LRGUK: variants seen among roughly 807,000 people sequenced by gnomAD.
LRGUK encodes leucine rich repeats and guanylate kinase domain containing, also known as leucine-rich repeat and guanylate kinase domain-containing protein.
LRGUK carries 65 observed loss-of-function variants against 76.0 expected under a neutral mutation model. The observed-to-expected ratio is 0.85, with a 90% CI of 0.70 to 1.05. The LOEUF (loss-of-function observed/expected upper bound fraction) is 1.05, where lower values mean the gene tolerates loss of function less well. Among genes scored for constraint, LRGUK ranks in the 50% least tolerant of loss-of-function variants. LRGUK has a pLI of 0.00. For missense variants in LRGUK, 758 were observed against 732.8 expected, an observed-to-expected ratio of 1.03 and a Z score of -0.40; for synonymous variants, 268 against 265.6, an observed-to-expected ratio of 1.01 and a Z score of -0.09.
At chr7:134,197,491 T>C (rs993104554) in intron 13 of LRGUK, among the ~76,000 whole-genome samples, 36 of 152,272 alleles carry the variant, frequency 2.4e-4, no homozygotes, top group African/African-American at 7.9e-4. Context: ...ATGGCCTCTG[T>C]TTACATAAAA....
intron 2 of LRGUK, among the ~76,000 whole-genome samples, chr7:134,139,192 G>A: frequency 6.6e-6 from 1 of 151,972 alleles, no homozygotes; most frequent in Non-Finnish European, 1.5e-5. Flanking sequence ...GGCCTTTCAT[G>A]TTGTATTTGT....
chr7:134,230,361 G>A (rs893087664), intron 16 of LRGUK, among the ~76,000 whole-genome samples: 2 of 152,038 alleles, frequency 1.3e-5, no homozygotes, highest in African/African-American at 2.4e-5. Flanking sequence ...TCAATATGTG[G>A]GGCAATGGAA....
chr7:134,274,849 A>G, the LRGUK span, among the ~76,000 whole-genome samples: 1 of 152,108 alleles, frequency 6.6e-6, no homozygotes, highest in Non-Finnish European at 1.5e-5. Context: ...TTTTTAATGT[A>G]ATTTAAGTTT....
In LRGUK at chr7:134,178,934, A is replaced by AAAAAAAAAAAAAAAAAAACC. The variant is rs376955591; in HGVS notation, c.1214+339_1214+340insAAAACCAAAAAAAAAAAAAA. 5.8e-3 allele frequency among the ~76,000 whole-genome samples: 454 copies of AAAAAAAAAAAAAAAAAAACC among 78,138 alleles called. 13 individuals are homozygous for AAAAAAAAAAAAAAAAAAACC. The highest frequency in any genetic ancestry group is 0.021 in the African/African-American group (393 of 18,720). The allele number at this position is 78,138 out of a possible 152,430, so 51.3% of individuals were successfully genotyped here. A position where few individuals can be genotyped will look rare whatever the true frequency, so the allele number is the denominator to read the frequency against. On this transcript the variant is annotated intron_variant, in intron 10 of 15. Transcript: ENST00000645682. The stretch of plus-strand genomic sequence containing the variant: ...ACACAACAGTGAAATCTCAAAAAAA[A>AAAAAAAAAAAAAAAAAAACC]AAAAAAAAAAAAAACCAGGACCAAT...
chr7:134,127,950 A>G (rs1378762913), intron 1 of LRGUK, among the ~76,000 whole-genome samples: 3 of 151,534 alleles, frequency 2.0e-5, no homozygotes, highest in Non-Finnish European at 1.5e-5. Flanking sequence ...GTGTCTAGAT[A>G]ATTGTCTGGG....
chr7:134,133,157 C>T (rs143580374), intron 1 of LRGUK, among the ~76,000 whole-genome samples: 2 of 152,174 alleles, frequency 1.3e-5, no homozygotes, highest in South Asian at 2.1e-4. Flanking sequence ...TCACCACATG[C>T]GAGGCACTGT....
exon 18 of LRGUK, chr7:134,249,026 T>A: frequency 1.9e-6 from 3 of 1,602,258 alleles, no homozygotes; most frequent in Non-Finnish European, 2.6e-6. Flanking sequence ...AAAGTTTTGA[T>A]CTTTGTGAAG....
intron 7 of LRGUK, among the ~76,000 whole-genome samples, chr7:134,164,733 C>G (rs543571653): frequency 1.3e-5 from 2 of 152,150 alleles, no homozygotes; most frequent in East Asian, 3.9e-4. Context: ...TGGTGCTTGT[C>G]GGTTTTGTGT....
At chr7:134,155,508 G>C (rs1258783397) in intron 5 of LRGUK, among the ~76,000 whole-genome samples, 5 of 152,096 alleles carry the variant, frequency 3.3e-5, no homozygotes, top group Non-Finnish European at 7.4e-5. Context: ...AAGAATTTCT[G>C]GTACATTTTA....
intron 9 of LRGUK, 113 bp downstream of exon 9, chr7:134,177,176 G>A (rs1799519962): frequency 1.6e-6 from 1 of 621,896 alleles, no homozygotes; most frequent in African/African-American, 1.9e-5. Flanking sequence ...ATAACAATAT[G>A]TACATTAATT....
At chr7:134,263,602 T>G (rs1585613916) in intron 19 of LRGUK, among the ~76,000 whole-genome samples, 1 of 151,540 alleles carries the variant, frequency 6.6e-6, no homozygotes, top group East Asian at 1.9e-4. Flanking sequence ...ACTATTATTC[T>G]TCCTTGAATG....
At chr7:134,198,115 C>T (rs1034433550) in intron 13 of LRGUK, among the ~76,000 whole-genome samples, 40 of 152,124 alleles carry the variant, frequency 2.6e-4, no homozygotes, top group Non-Finnish European at 1.5e-5. Flanking sequence ...TTTCTTCCAG[C>T]TCTTTAACTT....
intron 5 of LRGUK, among the ~76,000 whole-genome samples, chr7:134,157,155 A>G (rs1462507435): frequency 6.6e-6 from 1 of 152,250 alleles, no homozygotes; most frequent in Non-Finnish European, 1.5e-5. Context: ...AAAGTAAGGC[A>G]GAGTTTAAGC....
At chr7:134,200,279 C>T (rs918404364) in intron 14 of LRGUK, among the ~76,000 whole-genome samples, 1 of 151,634 alleles carries the variant, frequency 6.6e-6, no homozygotes, top group Non-Finnish European at 1.5e-5. Context: ...TCAAGCAATC[C>T]ACCCTCCTCA....
exon 6 of LRGUK, chr7:134,158,088 C>T: frequency 1.9e-6 from 3 of 1,612,582 alleles, no homozygotes; most frequent in Non-Finnish European, 2.5e-6. Context: ...CCTAATTCAC[C>T]TTAGTTTGGC....
intron 12 of LRGUK, among the ~76,000 whole-genome samples, chr7:134,195,088 C>T (rs987079541): frequency 4.6e-5 from 7 of 151,990 alleles, no homozygotes; most frequent in African/African-American, 1.7e-4. Context: ...TCTTCCTGTA[C>T]TGAATCAGTT....
At chr7:134,191,749 A>G in exon 12 of LRGUK, 2 of 1,595,790 alleles carry the variant, frequency 1.3e-6, no homozygotes, top group African/African-American at 1.3e-5. Context: ...AATGGTGAAC[A>G]TGGTAAGAAT....
Position 134,148,256 on chromosome 7 carries a change from A to C in LRGUK, c.607A>C (p.Asn203His), listed in dbSNP as rs765528880. The change falls in exon 5 of 16, where the codon AAC becomes CAC. Residue 203 changes from asparagine (N) to histidine (H), a missense_variant. Coordinates refer to ENST00000645682, the Ensembl canonical transcript of LRGUK. ...TTGCCAGAAGGCGGATTTTTCCCAC[A>C]ACCAAATTTCTGAAATTTGTGATTT... is the stretch of plus-strand genomic sequence containing the variant. The C allele has an allele frequency of 5.0e-6, 8 of 1,604,404 alleles. No homozygotes were observed. The South Asian group carries it at 5.7e-5, about 11-fold the overall frequency.
chr7:134,196,761 A>G (rs1330845101), intron 12 of LRGUK, among the ~76,000 whole-genome samples: 1 of 152,206 alleles, frequency 6.6e-6, no homozygotes, highest in Non-Finnish European at 1.5e-5. Flanking sequence ...ACATTTTGTC[A>G]GCAAATTATT....
Sources: allele counts gnomAD v4.1 joint callset (sites outside exome capture counted in the v4.1 genomes callset), GRCh38; gene constraint gnomAD v4.1.1; transcripts MANE v1.5; gene names NCBI Gene and HGNC (gene_info 2026-07-23, HGNC 2026-07-21).